FMN2: variants seen among roughly 807,000 people sequenced by gnomAD.
The protein encoded by FMN2 is formin 2.
FMN2 carries 51 observed loss-of-function variants against 142.3 expected under a neutral mutation model. The ratio of observed to expected loss-of-function variants is 0.36; its 90% confidence interval spans 0.29 to 0.45. The LOEUF is 0.45. Ranked by LOEUF, FMN2 falls within the 20% of genes least tolerant of loss-of-function variation. The pLI is 1.00. For missense variants in FMN2, 1,936 were observed against 2,122.8 expected, an observed-to-expected ratio of 0.91 and a Z score of 1.73; for synonymous variants, 882 against 869.8, an observed-to-expected ratio of 1.01 and a Z score of -0.25.
intron 3 of FMN2, among the ~76,000 whole-genome samples, chr1:240,181,956 T>C (rs1307492669): frequency 6.6e-6 from 1 of 152,230 alleles, no homozygotes; most frequent in Non-Finnish European, 1.5e-5. Flanking sequence ...ATTGAATTTT[T>C]CTGTTTATAC....
At chr1:240,437,227 C>T (rs1484298134) in intron 15 of FMN2, among the ~76,000 whole-genome samples, 2 of 151,734 alleles carry the variant, frequency 1.3e-5, no homozygotes, top group East Asian at 2.0e-4. Flanking sequence ...TCCTGGCTGC[C>T]ATATTGGTCT....
chr1:240,435,151 C>T (rs1233553898), intron 15 of FMN2, among the ~76,000 whole-genome samples: 1 of 150,546 alleles, frequency 6.6e-6, no homozygotes, highest in Non-Finnish European at 1.5e-5. Context: ...AAATTTTTGC[C>T]TCTTATAAAG....
At chr1:240,329,306 A>G (rs777235421) in intron 9 of FMN2, 33 bp from the exon 10 acceptor site, 14 of 1,607,024 alleles carry the variant, frequency 8.7e-6, no homozygotes, top group Non-Finnish European at 1.1e-5. Flanking sequence ...TGTGAATTAT[A>G]TTTTTCTTCT....
chr1:240,245,713 T>A (rs1668058528), intron 6 of FMN2: 1 of 431,614 alleles, frequency 2.3e-6, no homozygotes, highest in African/African-American at 2.0e-5. Context: ...TTTATCTTTC[T>A]CATGGAGAAA....
chr1:240,256,212 G>A (rs529500744), intron 6 of FMN2, among the ~76,000 whole-genome samples: 1 of 152,042 alleles, frequency 6.6e-6, no homozygotes, highest in East Asian at 1.9e-4. Context: ...TACACCTTCT[G>A]CTTCTCTGAT....
chr1:240,158,647 GCTA>G (rs757393713), intron 2 of FMN2, among the ~76,000 whole-genome samples: 11 of 152,072 alleles, frequency 7.2e-5, no homozygotes, highest in Non-Finnish European at 1.3e-4. Context: ...GCTCTCCCAA[GCTA>G]CTACTTAGTT....
intron 15 of FMN2, among the ~76,000 whole-genome samples, chr1:240,419,569 T>C (rs974716855): frequency 1.3e-5 from 2 of 152,150 alleles, no homozygotes; most frequent in African/African-American, 4.8e-5. Flanking sequence ...GAAGTGGCCA[T>C]GTGGAAGCTG....
At chr1:240,120,365 G>T (rs1383448287) in intron 1 of FMN2, among the ~76,000 whole-genome samples, 2 of 152,184 alleles carry the variant, frequency 1.3e-5, no homozygotes, top group African/African-American at 4.8e-5. Context: ...ATGCGACAGA[G>T]ACCTTACGTG....
intron 14 of FMN2, among the ~76,000 whole-genome samples, chr1:240,361,367 G>A (rs2103055428): frequency 6.6e-6 from 1 of 151,960 alleles, no homozygotes; most frequent in South Asian, 2.1e-4. Context: ...CAGTTTCCCA[G>A]TGATCAAGGG....
intron 15 of FMN2, among the ~76,000 whole-genome samples, chr1:240,394,442 G>C (rs1346657282): frequency 2.0e-5 from 3 of 152,164 alleles, no homozygotes; most frequent in Non-Finnish European, 4.4e-5. Flanking sequence ...AAAGTTTGAG[G>C]CCAGTAGAAG....
At chr1:240,214,089 C>CTTTACT (rs1666794639) in intron 6 of FMN2, among the ~76,000 whole-genome samples, 1 of 152,162 alleles carries the variant, frequency 6.6e-6, no homozygotes, top group Non-Finnish European at 1.5e-5. Context: ...TTCTTCATTT[C>CTTTACT]TCCTTCTTTA....
chr1:240,205,593 C>T (rs1260339549), intron 4 of FMN2, among the ~76,000 whole-genome samples: 1 of 151,456 alleles, frequency 6.6e-6, no homozygotes, highest in Non-Finnish European at 1.5e-5. Flanking sequence ...TCCTGAGTAG[C>T]TGGGACTACA....
intron 16 of FMN2, among the ~76,000 whole-genome samples, chr1:240,450,503 A>G (rs564174258): frequency 2.8e-4 from 43 of 152,278 alleles, no homozygotes; most frequent in African/African-American, 9.6e-4. Flanking sequence ...CTTGTTGGTA[A>G]TACTAAACAT....
chr1:240,405,773 A>T lies in FMN2; in HGVS notation c.4910+13211A>T, dbSNP rs76516789. Among the ~76,000 whole-genome samples, 858 of 152,130 alleles carry T rather than the reference A, an allele frequency of 5.6e-3. 42 individuals are homozygous for T. The East Asian group carries it at 0.13, about 22-fold the overall frequency. On this transcript the variant is annotated intron_variant, in intron 15 of 17. Transcript: ENST00000319653. ...TACAATCATTGTTCAGAGGAAGAAA[A>T]AAATTTTTTTCTAAGGAGAATGAAA... is the stretch of plus-strand genomic sequence containing the variant.
At chr1:240,446,629 C>T (rs1675825878) in intron 16 of FMN2, among the ~76,000 whole-genome samples, 1 of 152,108 alleles carries the variant, frequency 6.6e-6, no homozygotes, top group South Asian at 2.1e-4. Context: ...TTTTCAGGGG[C>T]AATTTTTAAT....
intron 6 of FMN2, among the ~76,000 whole-genome samples, chr1:240,243,837 T>G (rs1170185506): frequency 6.6e-6 from 1 of 152,208 alleles, no homozygotes; most frequent in Non-Finnish European, 1.5e-5. Context: ...AATCTTGAGT[T>G]TGGGAATTGT....
chr1:240,318,731 G>A (rs1021196391), intron 8 of FMN2, among the ~76,000 whole-genome samples: 11 of 152,204 alleles, frequency 7.2e-5, no homozygotes, highest in African/African-American at 2.7e-4. Context: ...GTTAGAGAGA[G>A]TCAGGGATGA....
chr1:240,167,801 GCACGGTGGCTCA>G (rs1315403654), intron 2 of FMN2, among the ~76,000 whole-genome samples: 2 of 152,170 alleles, frequency 1.3e-5, no homozygotes, highest in Non-Finnish European at 2.9e-5. Context: ...AATAGGCTGG[GCACGGTGGCTCA>G]CACCTGTAAT....
At chr1:240,313,399 A>T (rs1375126961) in intron 8 of FMN2, among the ~76,000 whole-genome samples, 1 of 152,260 alleles carries the variant, frequency 6.6e-6, no homozygotes, top group African/African-American at 2.4e-5. Flanking sequence ...GTAATGTATA[A>T]TATTATATGA....
Sources: allele counts gnomAD v4.1 joint callset (sites outside exome capture counted in the v4.1 genomes callset), GRCh38; gene constraint gnomAD v4.1.1; transcripts MANE v1.5; gene names NCBI Gene and HGNC (gene_info 2026-07-23, HGNC 2026-07-21).